DEPDC1B: variants seen among roughly 807,000 people sequenced by gnomAD.
DEPDC1B encodes DEP domain-containing protein 1B.
Under a neutral mutation model 66.5 loss-of-function variants are expected in DEPDC1B, and 51 were observed. The observed-to-expected ratio is 0.77, with a 90% confidence interval of 0.61 to 0.97. The LOEUF (loss-of-function observed/expected upper bound fraction) is 0.97. Among genes scored for constraint, DEPDC1B ranks in the 50% least tolerant of loss-of-function variants. The probability of loss-of-function intolerance (pLI) is 0.00; values close to 1 mark genes in which losing one functional copy is unlikely to be tolerated. For missense variants in DEPDC1B, 552 were observed against 637.1 expected (o/e 0.87, Z 1.44); for synonymous variants, 226 against 223.6 (o/e 1.01, Z -0.10).
Position 60,644,755 on chromosome 5 carries a change from A to G in DEPDC1B, c.699T>C (p.Asp233=). The G allele has an allele frequency of 6.3e-7, 1 of 1,592,270 alleles. No individual in the cohort carries two copies. The highest frequency in any genetic ancestry group is 8.5e-7 in the Non-Finnish European group (1 of 1,171,552). ...TATTTATGCACTTACTTGACTTGTC[A>G]TCAAGAATAACAACTCCCTGCTTGC... ...SVSKQGVVIL[D]DKSKELPHWV... Residue 233 remains aspartate (D), a synonymous_variant, in exon 5 of 11, where the codon GAT becomes GAC. Coordinates refer to ENST00000265036, the MANE Select transcript of DEPDC1B (RefSeq NM_018369.3).
At chr5:60,658,641 C>T (rs1161128817) in intron 2 of DEPDC1B, among the ~76,000 whole-genome samples, 1 of 152,150 alleles carries the variant, frequency 6.6e-6, no homozygotes, top group Middle Eastern at 3.2e-3. Flanking sequence ...CACTAAAATA[C>T]AAATTAGGCT....
Position 60,642,829 on chromosome 5 carries a change from A to G in DEPDC1B, c.740T>C (p.Met247Thr). ...GTACTTACAATTTGCCAAACACTTC[A>G]TAGCTGACAGCACCCAATGAGGAAG... ...KELPHWVLSAMKCLANWPNCS... is the reference protein window; with the variant it reads ...KELPHWVLSATKCLANWPNCS... The change falls in exon 6 of 11, where the codon ATG becomes ACG. Residue 247 changes from methionine to threonine, a missense_variant. Met to Thr is a moderately conservative substitution (Grantham distance 81). Transcript: ENST00000265036. 1 of 1,611,586 alleles carries G rather than the reference A, an allele frequency of 6.2e-7. No individual in the cohort carries two copies. The highest frequency in any genetic ancestry group is 1.7e-5 in the Admixed American group (1 of 59,584).
chr5:60,622,834 G>A (rs1752735209), intron 7 of DEPDC1B, among the ~76,000 whole-genome samples: 1 of 151,990 alleles, frequency 6.6e-6, no homozygotes, highest in South Asian at 2.1e-4. Flanking sequence ...ATATATTCTT[G>A]TTGTGTCCAG....
intron 1 of DEPDC1B, among the ~76,000 whole-genome samples, chr5:60,688,466 C>T (rs1205142450): frequency 1.3e-5 from 2 of 152,118 alleles, no homozygotes; most frequent in Non-Finnish European, 2.9e-5. Context: ...CCATTACTCC[C>T]GGTGTAATGC....
chr5:60,604,473 G>A (rs186564905), intron 8 of DEPDC1B, among the ~76,000 whole-genome samples: 2 of 151,596 alleles, frequency 1.3e-5, no homozygotes, highest in African/African-American at 2.4e-5. Flanking sequence ...CACCTGCCTC[G>A]GCCTCCCAAA....
Position 60,605,716 on chromosome 5 carries a change from A to T in DEPDC1B, c.1039T>A (p.Cys347Ser). 2 of 1,612,286 alleles carry T rather than the reference A, an allele frequency of 1.2e-6. No individual in the cohort carries two copies. Among genetic ancestry groups the T allele is most frequent in the Non-Finnish European group, 1.7e-6 (2 of 1,179,204 alleles). The change falls in exon 8 of 11, where the codon TGT becomes AGT. Residue 347 changes from cysteine to serine, a missense_variant. Physicochemically the swap from Cys to Ser is moderately radical, Grantham distance 112 (BLOSUM62 -1). Transcript: ENST00000265036. ...ICLNKEMPPL[C>S]DGFGTRTLMV... The stretch of plus-strand genomic sequence containing the variant: ...AGTGTTCGGGTACCAAAGCCATCAC[A>T]CAGGGGTGGCATCTCTTTGTTTAAG...
At chr5:60,674,093 T>A (rs1754104486) in intron 2 of DEPDC1B, among the ~76,000 whole-genome samples, 1 of 151,960 alleles carries the variant, frequency 6.6e-6, no homozygotes, top group South Asian at 2.1e-4. Context: ...GCATCATGAA[T>A]TCTCAGCAAA....
At chr5:60,655,689 G>C (rs1399440218) in intron 2 of DEPDC1B, among the ~76,000 whole-genome samples, 3 of 148,678 alleles carry the variant, frequency 2.0e-5, no homozygotes, top group Non-Finnish European at 1.5e-5. Context: ...TCTTTCTCTA[G>C]TTCCTTGAGG....
intron 2 of DEPDC1B, among the ~76,000 whole-genome samples, chr5:60,676,796 T>G (rs2112003438): frequency 6.6e-6 from 1 of 151,938 alleles, no homozygotes; most frequent in African/African-American, 2.4e-5. Flanking sequence ...TTCCAAACAC[T>G]CCAGTCCACA....
At chr5:60,617,016 A>C (rs550002580) in intron 7 of DEPDC1B, among the ~76,000 whole-genome samples, 1 of 152,326 alleles carries the variant, frequency 6.6e-6, no homozygotes, top group South Asian at 2.1e-4. Context: ...TTCAACCCAG[A>C]ATTTCATATC....
chr5:60,696,572 A>G (rs1436234620), intron 1 of DEPDC1B, among the ~76,000 whole-genome samples: 1 of 152,214 alleles, frequency 6.6e-6, no homozygotes, highest in Non-Finnish European at 1.5e-5. Context: ...TCACTTTTGG[A>G]AACAAAATAT....
chr5:60,660,542 C>T (rs1435511234), intron 2 of DEPDC1B, among the ~76,000 whole-genome samples: 1 of 152,176 alleles, frequency 6.6e-6, no homozygotes, highest in Admixed American at 6.5e-5. Context: ...AAATCCTTAA[C>T]CCAGTAACCC....
At chr5:60,597,949 A>G in intron 10 of DEPDC1B, 35 bp from the exon 11 acceptor site, 1 of 1,525,694 alleles carries the variant, frequency 6.6e-7, no homozygotes, top group East Asian at 2.4e-5. Context: ...GAGTAAAAAA[A>G]GACACATAAA....
At chr5:60,632,235 G>A (rs779614174) in intron 7 of DEPDC1B, among the ~76,000 whole-genome samples, 5 of 152,194 alleles carry the variant, frequency 3.3e-5, no homozygotes, top group African/African-American at 9.7e-5. Context: ...ACAGGGCCAC[G>A]GCGATGGCAA....
intron 7 of DEPDC1B, among the ~76,000 whole-genome samples, chr5:60,619,890 T>C (rs960315312): frequency 2.6e-5 from 4 of 152,142 alleles, no homozygotes; most frequent in African/African-American, 7.2e-5. Flanking sequence ...CTTCAAACTA[T>C]ACTACAAGGC....
chr5:60,660,441 A>G (rs960215889), intron 2 of DEPDC1B, among the ~76,000 whole-genome samples: 1 of 152,212 alleles, frequency 6.6e-6, no homozygotes, highest in African/African-American at 2.4e-5. Flanking sequence ...CCGGGACCCT[A>G]TAACACTCCA....
chr5:60,617,464 C>T (rs1365188365), intron 7 of DEPDC1B, among the ~76,000 whole-genome samples: 8 of 151,990 alleles, frequency 5.3e-5, no homozygotes, highest in Non-Finnish European at 1.5e-5. Context: ...AAATGGAAAA[C>T]AAAATAAGGC....
intron 2 of DEPDC1B, among the ~76,000 whole-genome samples, chr5:60,655,826 T>C (rs1753562571): frequency 6.7e-6 from 1 of 149,148 alleles, no homozygotes; most frequent in Non-Finnish European, 1.5e-5. Flanking sequence ...GTCACTACCA[T>C]AGTTCAGTTC....
chr5:60,700,101 A>G lies in DEPDC1B; in HGVS notation c.-8T>C. 1 of 1,549,824 alleles carries G rather than the reference A, an allele frequency of 6.5e-7. No individual in the cohort carries two copies. Among genetic ancestry groups the G allele is most frequent in the Non-Finnish European group, 8.7e-7 (1 of 1,149,596 alleles). ...CACGATGCGATGCTCCATGGCGCGTAGGCAGCAGCGGCCGCAGCCGCGCCA... is the reference window on the plus strand; with the variant it reads ...CACGATGCGATGCTCCATGGCGCGTGGGCAGCAGCGGCCGCAGCCGCGCCA... On this transcript the variant is annotated 5_prime_UTR_variant, in exon 1 of 11. Coordinates refer to ENST00000265036, the MANE Select transcript of DEPDC1B (RefSeq NM_018369.3).
Sources: allele counts gnomAD v4.1 joint callset (sites outside exome capture counted in the v4.1 genomes callset), GRCh38; gene constraint gnomAD v4.1.1; transcripts MANE v1.5; gene names NCBI Gene and HGNC (gene_info 2026-07-23, HGNC 2026-07-21).